SRRM4: variants seen among roughly 807,000 people sequenced by gnomAD.
SRRM4 encodes serine/arginine repetitive matrix protein 4.
Under a neutral mutation model 68.9 loss-of-function variants are expected in SRRM4, and 33 were observed. That is an observed-to-expected ratio of 0.48 (90% CI 0.36 to 0.64). The LOEUF is 0.64. Among genes scored for constraint, SRRM4 ranks in the 30% least tolerant of loss-of-function variants. The pLI is 0.00. For synonymous variants in SRRM4, 318 were observed against 318.8 expected, an observed-to-expected ratio of 1.00 and a Z score of 0.03; for missense variants, 817 against 827.1, an observed-to-expected ratio of 0.99 and a Z score of 0.15.
Position 119,121,106 on chromosome 12 carries a change from A to T in SRRM4, c.464+830A>T, listed in dbSNP as rs187717284. ...TTTAAAGGGACGGGTAACTACCCTG[A>T]TGTCACACAGCAGCTAAGAAGCAGA... On this transcript the variant is annotated intron_variant, in intron 5 of 12. Coordinates refer to ENST00000267260, the MANE Select transcript of SRRM4 (RefSeq NM_194286.4). Among the ~76,000 whole-genome samples the T allele has an allele frequency of 5.6e-4, 86 of 152,344 alleles. No homozygotes were observed. In the East Asian group the frequency reaches 9.6e-3, roughly 17 times the overall value.
intron 1 of SRRM4, among the ~76,000 whole-genome samples, chr12:119,000,511 A>C (rs1953377370): frequency 6.6e-6 from 1 of 152,208 alleles, no homozygotes. Context: ...CCTGTACTAA[A>C]GACCTCAGTG....
intron 10 of SRRM4, among the ~76,000 whole-genome samples, chr12:119,151,651 T>C (rs977626985): frequency 6.6e-6 from 1 of 152,138 alleles, no homozygotes; most frequent in Non-Finnish European, 1.5e-5. Context: ...AGCTGGGTGG[T>C]TCTTCTGATC....
chr12:119,053,055 C>T (rs966374580), intron 1 of SRRM4, among the ~76,000 whole-genome samples: 51 of 152,258 alleles, frequency 3.3e-4, no homozygotes, highest in Non-Finnish European at 7.2e-4. Context: ...TTCTCTCCTT[C>T]CAATTGTCAG....
At chr12:119,141,402 A>G (rs1954364499) in intron 8 of SRRM4, among the ~76,000 whole-genome samples, 1 of 152,240 alleles carries the variant, frequency 6.6e-6, no homozygotes, top group South Asian at 2.1e-4. Context: ...TTATATATCA[A>G]TAAAAATAAA....
chr12:119,125,487 C>T lies in SRRM4; in HGVS notation c.614+8C>T. ...CTCAAGCTGTGAGAGCAGGTAACCC[C>T]TTGCCCCAGGATCCTCTTCTGTCAG... is the stretch of plus-strand genomic sequence containing the variant. On this transcript the variant is annotated splice_region_variant and intron_variant, in intron 7 of 12. Coordinates refer to ENST00000267260, the MANE Select transcript of SRRM4 (RefSeq NM_194286.4). 1.2e-6 allele frequency: 2 copies of T among 1,611,864 alleles called. No homozygotes were observed. The highest frequency in any genetic ancestry group is 2.2e-5 in the South Asian group (2 of 90,892).
intron 2 of SRRM4, among the ~76,000 whole-genome samples, chr12:119,109,603 A>T (rs1235339191): frequency 6.6e-6 from 1 of 152,054 alleles, no homozygotes; most frequent in African/African-American, 2.4e-5. Context: ...CTTCCACTTG[A>T]TTGAATTGGC....
rs149868430 is a variant in SRRM4, at chr12:119,061,217, C to T, written c.132-41019C>T. ...GACCGAAAATTCTTCAAGATGGACTCAAAAATAGCAATGTTTCCCGCATGT... is the reference window on the plus strand; with the variant it reads ...GACCGAAAATTCTTCAAGATGGACTTAAAAATAGCAATGTTTCCCGCATGT... On this transcript the variant is annotated intron_variant, in intron 1 of 12. Coordinates refer to ENST00000267260, the MANE Select transcript of SRRM4 (RefSeq NM_194286.4). Among the ~76,000 whole-genome samples, 6 of 152,268 alleles carry T rather than the reference C, an allele frequency of 3.9e-5. No homozygotes were observed. In the East Asian group the frequency reaches 1.2e-3, roughly 29 times the overall value.
intron 1 of SRRM4, among the ~76,000 whole-genome samples, chr12:119,066,349 T>C (rs992058505): frequency 4.6e-5 from 7 of 152,350 alleles, no homozygotes; most frequent in Non-Finnish European, 1.0e-4. Flanking sequence ...AATGAGGTCA[T>C]CTAATTCTGC....
chr12:119,156,718 A>C lies in SRRM4; in HGVS notation c.1756A>C (p.Arg586=), dbSNP rs1954475387. The change falls in exon 13 of 13, where the codon AGG becomes CGG. Residue 586 remains arginine (R), a synonymous_variant. Transcript: ENST00000267260. The part of the protein sequence containing the change: ...SPGSRSRSRS[R]SRSRSRSRSQ... ...GGGCTCCCGCAGCCGGAGCCGGAGC[A>C]GGAGCCGGAGCCGGAGCCGGAGCAG... is the stretch of plus-strand genomic sequence containing the variant. The C allele has an allele frequency of 1.0e-5, 16 of 1,545,044 alleles. No individual in the cohort carries two copies. The highest frequency in any genetic ancestry group is 1.3e-5 in the Non-Finnish European group (15 of 1,144,882).
chr12:119,154,226 C>A lies in SRRM4; in HGVS notation c.1392-17C>A, dbSNP rs1387335634. The A allele has an allele frequency of 1.9e-6, 3 of 1,586,904 alleles. No homozygotes were observed. The highest frequency in any genetic ancestry group is 1.3e-5 in the African/African-American group (1 of 74,288). On this transcript the variant is annotated splice_polypyrimidine_tract_variant and intron_variant, in intron 11 of 12. Transcript: ENST00000267260. The surrounding 1 kb of genome is among the most constrained non-coding windows in gnomAD (Gnocchi z 4.7). Reference sequence around the variant, plus strand: ...AGCCCAGCCCCAGCTCCCCAGTAACCCCCCGCGCCCCTTCAGGGAGCGGGA... The same window carrying A: ...AGCCCAGCCCCAGCTCCCCAGTAACACCCCGCGCCCCTTCAGGGAGCGGGA...
chr12:118,992,530 C>T (rs1953323645), intron 1 of SRRM4, among the ~76,000 whole-genome samples: 2 of 152,320 alleles, frequency 1.3e-5, no homozygotes, highest in African/African-American at 4.8e-5. Flanking sequence ...CTCCTGTCCA[C>T]AGCCAGGTGG....
intron 8 of SRRM4, among the ~76,000 whole-genome samples, chr12:119,142,041 G>A (rs1331538597): frequency 6.6e-6 from 1 of 152,150 alleles, no homozygotes; most frequent in Non-Finnish European, 1.5e-5. Flanking sequence ...AAATGGCCTG[G>A]GGTTAGAACA....
intron 1 of SRRM4, 120 bp downstream of exon 1, chr12:118,982,133 A>C: frequency 8.0e-7 from 1 of 1,253,516 alleles, no homozygotes; most frequent in Non-Finnish European, 1.1e-6. Flanking sequence ...TCCCGTCACT[A>C]CTCGGCGGCT....
intron 3 of SRRM4, among the ~76,000 whole-genome samples, chr12:119,116,149 C>T (rs1282532186): frequency 6.6e-6 from 1 of 152,162 alleles, no homozygotes; most frequent in African/African-American, 2.4e-5. Flanking sequence ...GAATTTGTAA[C>T]CTCTCATCTG....
intron 7 of SRRM4, among the ~76,000 whole-genome samples, chr12:119,127,502 C>A (rs1436504603): frequency 1.3e-5 from 2 of 151,976 alleles, no homozygotes. Flanking sequence ...CCGAGGTGGG[C>A]AGATCACCTG....
At chr12:119,093,365 C>G (rs1565906577) in intron 1 of SRRM4, among the ~76,000 whole-genome samples, 1 of 152,206 alleles carries the variant, frequency 6.6e-6, no homozygotes, top group Non-Finnish European at 1.5e-5. Flanking sequence ...GCAGTTTACA[C>G]TCTCCTAGAT....
intron 2 of SRRM4, among the ~76,000 whole-genome samples, chr12:119,113,110 T>G (rs1342868369): frequency 6.6e-6 from 1 of 152,220 alleles, no homozygotes; most frequent in Non-Finnish European, 1.5e-5. Flanking sequence ...GTGGCTCTCT[T>G]GAAAATATTA....
chr12:119,098,938 C>T (rs897275627), intron 1 of SRRM4, among the ~76,000 whole-genome samples: 7 of 152,114 alleles, frequency 4.6e-5, no homozygotes, highest in South Asian at 2.1e-4. Flanking sequence ...CCATCTCTGC[C>T]CTTTTCTCCC....
chr12:119,121,449 G>A (rs555708318), intron 5 of SRRM4, among the ~76,000 whole-genome samples: 8 of 152,250 alleles, frequency 5.3e-5, no homozygotes, highest in South Asian at 4.1e-4. Flanking sequence ...TAATTTAAAC[G>A]CAGATACTTG....
Sources: gnomAD v4.1 joint callset for allele counts (sites outside exome capture counted in the v4.1 genomes callset) on GRCh38, gnomAD v4.1.1 for gene constraint, Gnocchi (gnomAD v3.1) non-coding constraint, MANE v1.5 for transcripts, NCBI Gene and HGNC (gene_info 2026-07-23, HGNC 2026-07-21) for gene names.